GRM3: variants seen among roughly 807,000 people sequenced by gnomAD.
GRM3 encodes the protein glutamate metabotropic receptor 3, also known as metabotropic glutamate receptor 3.
Under a neutral mutation model 70.5 loss-of-function variants are expected in GRM3, and 26 were observed. The ratio of observed to expected loss-of-function variants is 0.37; its 90% CI spans 0.27 to 0.51. GRM3 has a LOEUF of 0.51. GRM3 is among the 20% of genes least tolerant of loss of function. GRM3 has a pLI of 0.93. For synonymous variants in GRM3, 443 were observed against 434.9 expected, an observed-to-expected ratio of 1.02 and a Z score of -0.23; for missense variants, 859 against 1,123.8, an observed-to-expected ratio of 0.76 and a Z score of 3.37.
At position 86,864,553 on chromosome 7, in the gene GRM3, C is replaced by A; in HGVS notation, c.*198C>A. 8.9e-6 allele frequency: 4 copies of A among 449,292 alleles called. No individual in the cohort carries two copies. The highest frequency in any genetic ancestry group is 3.2e-5 in the South Asian group (1 of 31,280). The allele number at this position is 449,292 out of a possible 1,614,324, so 27.8% of individuals were successfully genotyped here. Reference sequence around the variant, plus strand: ...CTGAGTCTAGTGCCCCTATTATTAACAATTCCCCCAGAACATGGAAATAAC... The same window carrying A: ...CTGAGTCTAGTGCCCCTATTATTAAAAATTCCCCCAGAACATGGAAATAAC... On this transcript the variant is annotated 3_prime_UTR_variant, in exon 6 of 6. Coordinates refer to ENST00000361669, the MANE Select transcript of GRM3 (RefSeq NM_000840.3).
At chr7:86,658,518 T>A (rs1185780817) in intron 1 of GRM3, among the ~76,000 whole-genome samples, 1 of 152,164 alleles carries the variant, frequency 6.6e-6, no homozygotes, top group Non-Finnish European at 1.5e-5. Flanking sequence ...CTTCTTGCTA[T>A]GTACTCCCCA....
At chr7:86,821,625 G>A (rs570931039) in intron 3 of GRM3, among the ~76,000 whole-genome samples, 17 of 152,216 alleles carry the variant, frequency 1.1e-4, no homozygotes, top group East Asian at 5.8e-4. Flanking sequence ...AAAATGATGC[G>A]TGACAGCCCC....
chr7:86,858,361 C>CTT (rs1329964250), intron 5 of GRM3, among the ~76,000 whole-genome samples: 1 of 152,154 alleles, frequency 6.6e-6, no homozygotes, highest in African/African-American at 2.4e-5. Flanking sequence ...GTGTTGAAAA[C>CTT]TTAATCTCCA....
chr7:86,733,759 C>G (rs1036879864), intron 1 of GRM3, among the ~76,000 whole-genome samples: 1 of 152,134 alleles, frequency 6.6e-6, no homozygotes, highest in African/African-American at 2.4e-5. Flanking sequence ...TGACTTTACC[C>G]TCTCTCTGGG....
At chr7:86,837,219 G>C (rs910734782) in intron 3 of GRM3, among the ~76,000 whole-genome samples, 1 of 152,162 alleles carries the variant, frequency 6.6e-6, no homozygotes, top group African/African-American at 2.4e-5. Context: ...ATATCCTTTA[G>C]ACAAGAGAGG....
intron 4 of GRM3, among the ~76,000 whole-genome samples, chr7:86,841,250 T>C (rs1798554081): frequency 6.6e-6 from 1 of 152,194 alleles, no homozygotes. Flanking sequence ...CGCTGTAAAT[T>C]ATTCACAACT....
chr7:86,713,692 A>G lies in GRM3; in HGVS notation c.-140-51314A>G, dbSNP rs549266970. Among the ~76,000 whole-genome samples, 5 of 152,110 alleles carry G rather than the reference A, an allele frequency of 3.3e-5. No individual in the cohort carries two copies. The South Asian group carries it at 1.0e-3, about 32-fold the overall frequency. On this transcript the variant is annotated intron_variant, in intron 1 of 5. Coordinates refer to ENST00000361669, the MANE Select transcript of GRM3 (RefSeq NM_000840.3). The stretch of plus-strand genomic sequence containing the variant: ...AAATACAGTCTCTTGTTTGAATTAC[A>G]TGGCCAGGGCAGCAGAAATATGTCT...
intron 1 of GRM3, among the ~76,000 whole-genome samples, chr7:86,654,766 C>T (rs780852551): frequency 1.3e-5 from 2 of 152,204 alleles, no homozygotes; most frequent in Admixed American, 6.5e-5. Context: ...CCTTCGTTCT[C>T]TCTCTCCTTA....
intron 3 of GRM3, among the ~76,000 whole-genome samples, chr7:86,787,947 A>G (rs779455595): frequency 1.3e-5 from 2 of 152,334 alleles, no homozygotes; most frequent in Middle Eastern, 3.4e-3. Flanking sequence ...TACATTCTCT[A>G]CTTAGGTACA....
chr7:86,809,731 C>T (rs576014732), intron 3 of GRM3, among the ~76,000 whole-genome samples: 129 of 152,060 alleles, frequency 8.5e-4, no homozygotes, highest in African/African-American at 3.0e-3. Flanking sequence ...CTCCAACAAG[C>T]GCTAGTCTCC....
At chr7:86,792,386 G>T (rs960642693) in intron 3 of GRM3, among the ~76,000 whole-genome samples, 3 of 152,188 alleles carry the variant, frequency 2.0e-5, no homozygotes, top group African/African-American at 4.8e-5. Flanking sequence ...AAAAGAAAGA[G>T]CTTCCATTTG....
intron 3 of GRM3, among the ~76,000 whole-genome samples, chr7:86,803,959 C>T (rs1012912234): frequency 2.6e-5 from 4 of 152,010 alleles, no homozygotes; most frequent in Non-Finnish European, 4.4e-5. Context: ...ACCACAATCC[C>T]GTGAAGGTGG....
intron 1 of GRM3, among the ~76,000 whole-genome samples, chr7:86,728,374 A>C (rs1328616283): frequency 6.6e-6 from 1 of 152,220 alleles, no homozygotes; most frequent in East Asian, 1.9e-4. Flanking sequence ...AAAGTCAGAT[A>C]TATTTGAACT....
At position 86,814,647 on chromosome 7, in the gene GRM3, T is replaced by C. The variant is rs989444262; in HGVS notation, c.1325-24192T>C. Among the ~76,000 whole-genome samples the C allele has an allele frequency of 5.3e-5, 8 of 151,614 alleles. No individual in the cohort carries two copies. In the East Asian group the frequency reaches 1.5e-3, roughly 29 times the overall value. ...GTCACTCTAACAAAGCTGAAGAGGG[T>C]CGAAATTGTTAATTACACATTTTCT... is the stretch of plus-strand genomic sequence containing the variant. On this transcript the variant is annotated intron_variant, in intron 3 of 5. Coordinates refer to ENST00000361669, the MANE Select transcript of GRM3 (RefSeq NM_000840.3).
At chr7:86,656,452 A>G (rs1390957472) in intron 1 of GRM3, among the ~76,000 whole-genome samples, 4 of 151,770 alleles carry the variant, frequency 2.6e-5, no homozygotes, top group Non-Finnish European at 5.9e-5. Context: ...TATTTTTAGT[A>G]GAGATGGAGT....
Position 86,644,760 on chromosome 7 carries a change from T to A in GRM3, c.-253T>A, listed in dbSNP as rs1273804936. The A allele has an allele frequency of 1.6e-6, 2 of 1,280,166 alleles. No individual in the cohort carries two copies. Among genetic ancestry groups the A allele is most frequent in the African/African-American group, 3.0e-5 (2 of 65,624 alleles). 79.3% of individuals were successfully genotyped at this position (1,280,166 alleles called of 1,614,324 possible). A position where few individuals can be genotyped will look rare whatever the true frequency, so the allele number is the denominator to read the frequency against. ...GAAAGGACAAAGCCAGTAAGCTACC[T>A]CTTTTGTGTCGGATGAGGAGGACCA... On this transcript the variant is annotated 5_prime_UTR_variant, in exon 1 of 6. Transcript: ENST00000361669.
At chr7:86,684,784 T>C (rs1198903188) in intron 1 of GRM3, among the ~76,000 whole-genome samples, 10 of 152,228 alleles carry the variant, frequency 6.6e-5, no homozygotes, top group Non-Finnish European at 1.2e-4. Flanking sequence ...TCACTGAATA[T>C]TAAATAAAGA....
Position 86,839,906 on chromosome 7 carries a change from G to A in GRM3, c.2391+1G>A, listed in dbSNP as rs2116739592. 6.7e-7 allele frequency: 1 copy of A among 1,496,336 alleles called. No homozygotes were observed. Among genetic ancestry groups the A allele is most frequent in the Non-Finnish European group, 9.3e-7 (1 of 1,072,844 alleles). The allele number at this position is 1,496,336 out of a possible 1,614,324, so 92.7% of individuals were successfully genotyped here. On this transcript the variant is annotated splice_donor_variant, in intron 4 of 5. Coordinates refer to ENST00000361669, the MANE Select transcript of GRM3 (RefSeq NM_000840.3). LOFTEE classifies it high-confidence loss of function. This position sits in a 1 kb window ranked among gnomAD's most constrained non-coding sequence, Gnocchi z 4.5. Reference sequence around the variant, plus strand: ...TTATGTGACATCAAGTGACTACAGAGTAAGTCTTTGATTGTTTCTTATTTT... The same window carrying A: ...TTATGTGACATCAAGTGACTACAGAATAAGTCTTTGATTGTTTCTTATTTT...
chr7:86,812,751 T>A (rs758511677), intron 3 of GRM3, among the ~76,000 whole-genome samples: 4 of 151,838 alleles, frequency 2.6e-5, no homozygotes, highest in Admixed American at 6.6e-5. Flanking sequence ...AAAATAATAT[T>A]CTCATTTTAC....
Sources: gnomAD v4.1 joint callset for allele counts (sites outside exome capture counted in the v4.1 genomes callset) on GRCh38, gnomAD v4.1.1 for gene constraint, Gnocchi (gnomAD v3.1) non-coding constraint, MANE v1.5 for transcripts, NCBI Gene and HGNC (gene_info 2026-07-23, HGNC 2026-07-21) for gene names.